The following GPR39 variants were observed in gnomAD, a reference collection of about 807,000 sequenced individuals.
GPR39 encodes the protein zinc sensing receptor.
Under a neutral mutation model 18.4 loss-of-function variants are expected in GPR39, and 23 were observed. That is an observed-to-expected ratio of 1.25 (90% CI 0.90 to 1.77). GPR39 has a LOEUF of 1.77. Among genes scored for constraint, GPR39 ranks in the 40% most tolerant of loss-of-function variants. GPR39 has a pLI of 0.00. For missense variants in GPR39, 647 were observed against 602.4 expected, an observed-to-expected ratio of 1.07 and a Z score of -0.78; for synonymous variants, 280 against 257.9, an observed-to-expected ratio of 1.09 and a Z score of -0.82.
At chr2:132,430,138 A>G (rs1368326903) in intron 1 of GPR39, among the ~76,000 whole-genome samples, 1 of 152,210 alleles carries the variant, frequency 6.6e-6, no homozygotes, top group East Asian at 1.9e-4. Flanking sequence ...GGAAGTGATC[A>G]TGGGTTCTGA....
intron 1 of GPR39, among the ~76,000 whole-genome samples, chr2:132,592,102 A>C (rs920081980): frequency 6.6e-6 from 1 of 152,240 alleles, no homozygotes; most frequent in African/African-American, 2.4e-5. Context: ...AGACATTAAG[A>C]GCAAAATAGA....
chr2:132,584,920 T>G (rs956935704), intron 1 of GPR39, among the ~76,000 whole-genome samples: 2 of 152,192 alleles, frequency 1.3e-5, no homozygotes, highest in African/African-American at 4.8e-5. Flanking sequence ...GACACTGATT[T>G]CCACAGATCT....
chr2:132,469,583 G>A (rs1002099927), intron 1 of GPR39, among the ~76,000 whole-genome samples: 5 of 152,266 alleles, frequency 3.3e-5, no homozygotes, highest in East Asian at 3.9e-4. Context: ...GTGTGTAAAC[G>A]ACCCTCTGGT....
In GPR39 at chr2:132,419,264, T is replaced by G. The variant is rs138333000; in HGVS notation, c.856+1366T>G. ...GAGAATATTTGGATGCTACTCTGCATTAGGGGCTGTGCCAGGTGACTGATA... is the reference window on the plus strand; with the variant it reads ...GAGAATATTTGGATGCTACTCTGCAGTAGGGGCTGTGCCAGGTGACTGATA... On this transcript the variant is annotated intron_variant, in intron 1 of 1. Transcript: ENST00000329321. Among the ~76,000 whole-genome samples the G allele has an allele frequency of 3.3e-3, 507 of 152,338 alleles. 3 individuals are homozygous for G. Among genetic ancestry groups the G allele is most frequent in the African/African-American group, 0.011 (475 of 41,576 alleles).
At chr2:132,544,261 A>G (rs994954215) in intron 1 of GPR39, among the ~76,000 whole-genome samples, 2 of 152,170 alleles carry the variant, frequency 1.3e-5, no homozygotes, top group Non-Finnish European at 2.9e-5. Flanking sequence ...TTGCTTTTCA[A>G]GGCTACCTAG....
intron 1 of GPR39, among the ~76,000 whole-genome samples, chr2:132,493,726 A>G (rs1487572473): frequency 6.6e-6 from 1 of 151,836 alleles, no homozygotes; most frequent in African/African-American, 2.4e-5. Flanking sequence ...AGGTGCCTGC[A>G]ACTCATCCAC....
At chr2:132,608,397 C>G (rs533956199) in intron 1 of GPR39, among the ~76,000 whole-genome samples, 177 of 152,304 alleles carry the variant, frequency 1.2e-3, no homozygotes, top group African/African-American at 3.9e-3. Flanking sequence ...TCCCCCGGCT[C>G]CCTGTCATTT....
intron 1 of GPR39, among the ~76,000 whole-genome samples, chr2:132,515,491 T>C (rs1036848450): frequency 6.6e-6 from 1 of 152,180 alleles, no homozygotes. Flanking sequence ...CTGTCCCACG[T>C]GTGATGTTTA....
At chr2:132,637,467 G>A (rs555199513) in intron 1 of GPR39, among the ~76,000 whole-genome samples, 13 of 152,320 alleles carry the variant, frequency 8.5e-5, no homozygotes, top group Admixed American at 2.6e-4. Context: ...ACATCAAACC[G>A]TCTGTCTTCA....
At chr2:132,587,784 C>T (rs1173105889) in intron 1 of GPR39, among the ~76,000 whole-genome samples, 1 of 152,208 alleles carries the variant, frequency 6.6e-6, no homozygotes, top group East Asian at 1.9e-4. Context: ...ATCCACCCGC[C>T]TCAGCCTCCC....
At chr2:132,599,593 C>A (rs1192663157) in intron 1 of GPR39, among the ~76,000 whole-genome samples, 1 of 152,192 alleles carries the variant, frequency 6.6e-6, no homozygotes, top group African/African-American at 2.4e-5. Context: ...GTCCCTGAGT[C>A]CCTTCCAACT....
intron 1 of GPR39, among the ~76,000 whole-genome samples, chr2:132,584,625 A>G (rs13025397): frequency 0.28 from 39,978 of 144,924 alleles, 6,746 homozygotes; most frequent in East Asian, 0.76. Flanking sequence ...CTTTCAGGGG[A>G]AAAAAAAAAA....
intron 1 of GPR39, among the ~76,000 whole-genome samples, chr2:132,565,110 C>T (rs1163639357): frequency 2.6e-5 from 4 of 152,080 alleles, no homozygotes; most frequent in African/African-American, 9.7e-5. Context: ...TGAGTCACCA[C>T]TCCTGGCCTT....
intron 1 of GPR39, among the ~76,000 whole-genome samples, chr2:132,635,985 G>C (rs1446463043): frequency 6.6e-6 from 1 of 152,172 alleles, no homozygotes; most frequent in Non-Finnish European, 1.5e-5. Flanking sequence ...GGACTTCCCA[G>C]CCTCTGGAAC....
chr2:132,426,272 T>C (rs921465774), intron 1 of GPR39, among the ~76,000 whole-genome samples: 1 of 152,240 alleles, frequency 6.6e-6, no homozygotes, highest in Non-Finnish European at 1.5e-5. Context: ...GAATGTTCAC[T>C]GGACTTTTAA....
At chr2:132,429,478 C>T (rs1680186413) in intron 1 of GPR39, among the ~76,000 whole-genome samples, 1 of 152,226 alleles carries the variant, frequency 6.6e-6, no homozygotes, top group African/African-American at 2.4e-5. Flanking sequence ...TGGTCAGAAG[C>T]TTGCTTTCCC....
At position 132,417,072 on chromosome 2, in the gene GPR39, C is replaced by T. The variant is rs376327227; in HGVS notation, c.30C>T (p.Asp10=). MASPSLPGS[D]CSQIIDHSHV... is the part of the protein sequence containing the mutation. ...CTTCACCCAGCCTCCCGGGCAGTGA[C>T]TGCTCCCAAATCATTGATCACAGTC... Residue 10 remains aspartate, a synonymous_variant, in exon 1 of 2, where the codon GAC becomes GAT. Transcript: ENST00000329321. The T allele has an allele frequency of 1.1e-5, 17 of 1,614,100 alleles. No individual in the cohort carries two copies. The highest frequency in any genetic ancestry group is 1.4e-5 in the Non-Finnish European group (16 of 1,179,962).
At chr2:132,493,424 G>A (rs140222506) in intron 1 of GPR39, among the ~76,000 whole-genome samples, 2,232 of 131,920 alleles carry the variant, frequency 0.017, 68 homozygotes, top group African/African-American at 0.06. Context: ...ATATACACAC[G>A]CCATATATAC....
intron 1 of GPR39, among the ~76,000 whole-genome samples, chr2:132,493,241 C>T (rs949848795): frequency 5.6e-5 from 8 of 143,532 alleles, no homozygotes; most frequent in Admixed American, 2.1e-4. Context: ...CATATATATA[C>T]ACCATATATA....
Sources: gnomAD v4.1 joint callset for allele counts (sites outside exome capture counted in the v4.1 genomes callset) on GRCh38, gnomAD v4.1.1 for gene constraint, MANE v1.5 for transcripts, NCBI Gene and HGNC (gene_info 2026-07-23, HGNC 2026-07-21) for gene names.